Variants in TBCD observed in about 807,000 individuals in gnomAD.
The protein encoded by TBCD is tubulin folding cofactor D.
TBCD carries 105 observed loss-of-function variants against 169.3 expected under a neutral mutation model. The observed-to-expected ratio is 0.62, with a 90% CI of 0.53 to 0.73. The LOEUF (loss-of-function observed/expected upper bound fraction) is 0.73. TBCD is among the 30% of genes least tolerant of loss of function. TBCD has a pLI of 0.00. For synonymous variants in TBCD, 700 were observed against 643.9 expected (o/e 1.09, Z -1.32); for missense variants, 1,444 against 1,600.1 (o/e 0.90, Z 1.66).
intron 18 of TBCD, among the ~76,000 whole-genome samples, chr17:82,901,551 C>T (rs972381263): frequency 1.4e-5 from 2 of 146,446 alleles, no homozygotes; most frequent in South Asian, 2.2e-4. Flanking sequence ...ATTGGTCCTG[C>T]TTCCTGGGGA....
Position 82,833,200 on chromosome 17 carries a change from G to A in TBCD, c.1318+18266G>A, listed in dbSNP as rs1250064659. On this transcript the variant is annotated intron_variant, in intron 13 of 38. Coordinates refer to ENST00000355528, the MANE Select transcript of TBCD (RefSeq NM_005993.5). The surrounding 1 kb of genome is among the most constrained non-coding windows in gnomAD (Gnocchi z 4.7). Reference sequence around the variant, plus strand: ...AGAGTGCCCCTCACTTTTACACAGAGCGTGGGCTGGCCACCGTCTACTTGC... The same window carrying A: ...AGAGTGCCCCTCACTTTTACACAGAACGTGGGCTGGCCACCGTCTACTTGC... 6.6e-6 allele frequency among the ~76,000 whole-genome samples: 1 copy of A among 152,034 alleles called. No individual in the cohort carries two copies. The highest frequency in any genetic ancestry group is 1.5e-5 in the Non-Finnish European group (1 of 68,016).
At chr17:82,796,492 G>A (rs2050115936) in intron 7 of TBCD, among the ~76,000 whole-genome samples, 1 of 152,214 alleles carries the variant, frequency 6.6e-6, no homozygotes, top group African/African-American at 2.4e-5. Context: ...CTAAGTCTCT[G>A]ATCACCTTGG....
chr17:82,870,373 A>G lies in TBCD; in HGVS notation c.1468A>G (p.Ile490Val), dbSNP rs776248277. 4 of 1,612,620 alleles carry G rather than the reference A, an allele frequency of 2.5e-6. No individual in the cohort carries two copies. The highest frequency in any genetic ancestry group is 2.7e-5 in the African/African-American group (2 of 74,926). ...GGAGCTGAAGCCCTTTGTGACTGCA[A>G]TCTCGAGGTAGGCCCATTCGTCGAG... ...PQELKPFVTAISSALVIAAVF... is the reference protein window; with the variant it reads ...PQELKPFVTAVSSALVIAAVF... The change falls in exon 14 of 39, where the codon ATC becomes GTC. Residue 490 changes from isoleucine (I) to valine (V), a missense_variant. Transcript: ENST00000355528.
rs75012942 is a variant in TBCD, at chr17:82,943,310, G to A, written c.*847G>A. 0.042 allele frequency: 6,465 copies of A among 152,292 alleles called. 268 individuals carry two copies. The highest frequency in any genetic ancestry group is 0.11 in the African/African-American group (4,502 of 41,524). 9.4% of individuals were successfully genotyped at this position (152,292 alleles called of 1,614,324 possible). On this transcript the variant is annotated 3_prime_UTR_variant, in exon 39 of 39. Coordinates refer to ENST00000355528, the MANE Select transcript of TBCD (RefSeq NM_005993.5). Reference sequence around the variant, plus strand: ...CCATCCCAAAGCTGGTGAGGGGAACGTGTATAAAAATTTCACTGTGGTAGC... The same window carrying A: ...CCATCCCAAAGCTGGTGAGGGGAACATGTATAAAAATTTCACTGTGGTAGC...
At chr17:82,783,921 T>C (rs1023865852) in intron 7 of TBCD, among the ~76,000 whole-genome samples, 5 of 152,114 alleles carry the variant, frequency 3.3e-5, no homozygotes. Context: ...GGTCGGGAGT[T>C]CGAGACCAGC....
chr17:82,837,305 C>T (rs983601708), intron 13 of TBCD, among the ~76,000 whole-genome samples: 1 of 152,242 alleles, frequency 6.6e-6, no homozygotes, highest in East Asian at 1.9e-4. Flanking sequence ...GAAATAGTCT[C>T]TGTGTGGTCA....
intron 7 of TBCD, among the ~76,000 whole-genome samples, chr17:82,785,696 G>C (rs1299841921): frequency 7.6e-6 from 1 of 131,454 alleles, no homozygotes; most frequent in African/African-American, 3.2e-5. Flanking sequence ...GCGGGAGGGG[G>C]GTCCATGATG....
chr17:82,893,648 A>G lies in TBCD; in HGVS notation c.1649+16A>G, dbSNP rs987285959. ...TGGTTATAAGGTAAGTCTTTAATGTATATCACAAAAATAGAATACTCTAAA... is the reference window on the plus strand; with the variant it reads ...TGGTTATAAGGTAAGTCTTTAATGTGTATCACAAAAATAGAATACTCTAAA... On this transcript the variant is annotated intron_variant, in intron 17 of 38. Transcript: ENST00000355528. 4 of 1,548,458 alleles carry G rather than the reference A, an allele frequency of 2.6e-6. No individual in the cohort carries two copies. Among genetic ancestry groups the G allele is most frequent in the African/African-American group, 1.4e-5 (1 of 73,326 alleles).
chr17:82,784,239 T>G (rs1022002502), intron 7 of TBCD, among the ~76,000 whole-genome samples: 2 of 152,062 alleles, frequency 1.3e-5, no homozygotes, highest in Non-Finnish European at 2.9e-5. Flanking sequence ...CTTTCTGGAG[T>G]CTTTCTAAAA....
At chr17:82,791,874 C>G (rs151137814) in intron 7 of TBCD, among the ~76,000 whole-genome samples, 11 of 148,344 alleles carry the variant, frequency 7.4e-5, no homozygotes, top group African/African-American at 2.8e-4. Flanking sequence ...CCAGGTGGTG[C>G]GGCCTGCTGC....
At chr17:82,926,903 G>A (rs1009418374) in intron 28 of TBCD, 39 of 527,974 alleles carry the variant, frequency 7.4e-5, no homozygotes, top group Non-Finnish European at 1.1e-4. Context: ...TCTCTCCTAT[G>A]CCAGCATCCG....
chr17:82,797,789 C>A lies in TBCD; in HGVS notation c.804C>A (p.Asp268Glu), dbSNP rs770963737. ...AQIFKHGKRE[D>E]CLPYAATVLR... Reference sequence around the variant, plus strand: ...TATTTAAACATGGAAAACGTGAAGACTGTTTGCCCTATGGTAAGGTTTATT... The same window carrying A: ...TATTTAAACATGGAAAACGTGAAGAATGTTTGCCCTATGGTAAGGTTTATT... The change falls in exon 8 of 39, where the codon GAC becomes GAA. Residue 268 changes from aspartate (D) to glutamate (E), a missense_variant. Asp to Glu is a conservative substitution (Grantham distance 45). Transcript: ENST00000355528. 5 of 1,562,440 alleles carry A rather than the reference C, an allele frequency of 3.2e-6. No individual in the cohort carries two copies. The highest frequency in any genetic ancestry group is 4.3e-6 in the Non-Finnish European group (5 of 1,158,830).
At chr17:82,855,157 C>T (rs1328971470) in intron 13 of TBCD, among the ~76,000 whole-genome samples, 1 of 151,562 alleles carries the variant, frequency 6.6e-6, no homozygotes, top group East Asian at 1.9e-4. Context: ...ACCACCCCTT[C>T]CTGGATGTGC....
intron 14 of TBCD, among the ~76,000 whole-genome samples, chr17:82,876,405 A>T (rs2057977543): frequency 1.3e-5 from 2 of 152,224 alleles, no homozygotes; most frequent in African/African-American, 4.8e-5. Flanking sequence ...GGGATGGTAG[A>T]TGAACGTGGT....
intron 6 of TBCD, among the ~76,000 whole-genome samples, chr17:82,780,233 C>G (rs2048854822): frequency 6.6e-6 from 1 of 152,206 alleles, no homozygotes; most frequent in Non-Finnish European, 1.5e-5. Context: ...TTTGCAGCCC[C>G]CCTCGTTGAG....
intron 4 of TBCD, among the ~76,000 whole-genome samples, chr17:82,767,081 C>T (rs1158600320): frequency 6.6e-6 from 1 of 152,234 alleles, no homozygotes; most frequent in African/African-American, 2.4e-5. Context: ...CCTCATCAGG[C>T]AGGGCTTGGT....
intron 6 of TBCD, 35 bp from the exon 7 acceptor site, chr17:82,781,554 G>A: frequency 6.2e-7 from 1 of 1,611,804 alleles, no homozygotes; most frequent in Non-Finnish European, 8.5e-7. Context: ...AGGTCTCAGT[G>A]CTGAGGCCTT....
chr17:82,903,456 A>G lies in TBCD; in HGVS notation c.1782A>G (p.Ala594=). Residue 594 remains alanine, a synonymous_variant, in exon 19 of 39, where the codon GCA becomes GCG. Coordinates refer to ENST00000355528, the MANE Select transcript of TBCD (RefSeq NM_005993.5). This position sits in a 1 kb window ranked among gnomAD's most constrained non-coding sequence, Gnocchi z 4.8. ...CGCTGCACAACCTGGCCCAGCAGGC[A>G]CCCGAGTTCAGCGCCACGCAAGGTG... ...ARALHNLAQQ[A]PEFSATQVFP... 3 of 1,599,762 alleles carry G rather than the reference A, an allele frequency of 1.9e-6. No individual in the cohort carries two copies. Among genetic ancestry groups the G allele is most frequent in the Non-Finnish European group, 2.6e-6 (3 of 1,173,262 alleles).
At position 82,937,326 on chromosome 17, in the gene TBCD, A is replaced by G. The variant is rs2062713484; in HGVS notation, c.3247A>G (p.Lys1083Glu). Reference protein sequence around the residue: ...ALCKKEIKNSKDIQKLLSGIA... With the variant: ...ALCKKEIKNSEDIQKLLSGIA... ...CTGTAAGAAAGAAATCAAGAATTCA[A>G]AAGATATCCAGAAGCTCCTGTCAGG... The change falls in exon 35 of 39, where the codon AAA becomes GAA. Residue 1083 changes from lysine to glutamate, a missense_variant. Physicochemically the swap from Lys to Glu is moderately conservative, Grantham distance 56 (BLOSUM62 1). Coordinates refer to ENST00000355528, the MANE Select transcript of TBCD (RefSeq NM_005993.5). The G allele has an allele frequency of 3.7e-6, 6 of 1,614,036 alleles. No individual in the cohort carries two copies. The East Asian group carries it at 6.7e-5, about 18-fold the overall frequency.
Sources: gnomAD v4.1 joint callset for allele counts (sites outside exome capture counted in the v4.1 genomes callset) on GRCh38, gnomAD v4.1.1 for gene constraint, Gnocchi (gnomAD v3.1) non-coding constraint, MANE v1.5 for transcripts, NCBI Gene and HGNC (gene_info 2026-07-23, HGNC 2026-07-21) for gene names.